PCNX2: variants seen among roughly 807,000 people sequenced by gnomAD.
PCNX2 encodes the protein pecanex-like protein 2.
A neutral mutation model predicts 223.8 loss-of-function variants in PCNX2; 168 were observed. The observed-to-expected ratio is 0.75, with a 90% CI of 0.66 to 0.85. PCNX2 has a LOEUF of 0.85. Ranked by LOEUF, PCNX2 falls within the 40% of genes least tolerant of loss-of-function variation. The probability of loss-of-function intolerance (pLI) is 0.00; values close to 1 mark genes in which losing one functional copy is unlikely to be tolerated. For missense variants in PCNX2, 2,507 were observed against 2,675.5 expected, an observed-to-expected ratio of 0.94 and a Z score of 1.39; for synonymous variants, 1,006 against 1,052.6, an observed-to-expected ratio of 0.96 and a Z score of 0.86.
At chr1:233,313,376 G>A in the PCNX2 span, among the ~76,000 whole-genome samples, 5 of 152,188 alleles carry the variant, frequency 3.3e-5, no homozygotes, top group Non-Finnish European at 5.9e-5. Flanking sequence ...TGGCATGGGG[G>A]GATAGGTAGA....
chr1:233,325,034 T>C, the PCNX2 span, among the ~76,000 whole-genome samples: 1 of 152,226 alleles, frequency 6.6e-6, no homozygotes, highest in African/African-American at 2.4e-5. Context: ...GTTGTTTCCA[T>C]GCCTGCTAAC....
At chr1:233,281,317 T>C (rs1324874147) in intron 1 of PCNX2, among the ~76,000 whole-genome samples, 1 of 152,220 alleles carries the variant, frequency 6.6e-6, no homozygotes, top group East Asian at 1.9e-4. Flanking sequence ...GATAGGGAAC[T>C]ATATCCCAAT....
At chr1:233,033,747 C>G (rs926253349) in intron 25 of PCNX2, among the ~76,000 whole-genome samples, 1 of 152,204 alleles carries the variant, frequency 6.6e-6, no homozygotes. Context: ...ACATATGGGG[C>G]TCTCCAGAGG....
chr1:233,222,612 A>T (rs1657449928), intron 10 of PCNX2, among the ~76,000 whole-genome samples: 1 of 152,212 alleles, frequency 6.6e-6, no homozygotes, highest in African/African-American at 2.4e-5. Flanking sequence ...TAACCAGATG[A>T]GAGATGAAAT....
chr1:233,047,275 A>G (rs140300962), intron 25 of PCNX2: 1 of 704,310 alleles, frequency 1.4e-6, no homozygotes, highest in Admixed American at 6.3e-5. Flanking sequence ...GATATAATTG[A>G]TCTAAGATGA....
At chr1:233,038,370 T>C (rs1446449495) in intron 25 of PCNX2, among the ~76,000 whole-genome samples, 1 of 152,234 alleles carries the variant, frequency 6.6e-6, no homozygotes, top group Non-Finnish European at 1.5e-5. Context: ...ATAAATATTC[T>C]AATTAAAGAA....
At chr1:233,013,156 G>A (rs1267534157) in intron 28 of PCNX2, among the ~76,000 whole-genome samples, 2 of 152,336 alleles carry the variant, frequency 1.3e-5, no homozygotes, top group East Asian at 3.9e-4. Flanking sequence ...CTCCCCAGGA[G>A]ATTGGCCTAA....
intron 13 of PCNX2, chr1:233,202,162 C>T (rs1364807356): frequency 4.3e-6 from 2 of 463,842 alleles, no homozygotes; most frequent in Admixed American, 2.4e-5. Context: ...ACCAGGACTT[C>T]AGGAAAATGA....
chr1:233,232,603 AAAAT>A lies in PCNX2; in HGVS notation c.2358+4238_2358+4241del, dbSNP rs1254759130. Among the ~76,000 whole-genome samples the A allele has an allele frequency of 3.9e-5, 6 of 152,344 alleles. No individual in the cohort carries two copies. The East Asian group carries it at 9.6e-4, about 24-fold the overall frequency. The stretch of plus-strand genomic sequence containing the variant: ...TCAAATAAATGAATATGTATGATGA[AAAAT>A]AAATGTTACGATATTATAATTGATG... On this transcript the variant is annotated intron_variant, in intron 9 of 33. Coordinates refer to ENST00000258229, the MANE Select transcript of PCNX2 (RefSeq NM_014801.4).
intron 15 of PCNX2, among the ~76,000 whole-genome samples, chr1:233,185,931 T>G (rs1680071375): frequency 6.6e-6 from 1 of 152,226 alleles, no homozygotes; most frequent in Non-Finnish European, 1.5e-5. Context: ...GTAATAAAAC[T>G]GTCTAATAGT....
chr1:233,277,121 G>C (rs914998402), intron 1 of PCNX2, among the ~76,000 whole-genome samples: 6 of 152,138 alleles, frequency 3.9e-5, no homozygotes, highest in East Asian at 3.9e-4. Context: ...GAGACACAAA[G>C]AAAGCCTGTG....
At position 233,236,951 on chromosome 1, in the gene PCNX2, G is replaced by C. The variant is rs1473238244; in HGVS notation, c.2252C>G (p.Thr751Arg). ...REMQVSSSST[T>R]TSESQDPSSG... Reference sequence around the variant, plus strand: ...AGACGGATCTTGACTCTCAGAAGTTGTGGTACTGGAGGAGCTGACCTGCAT... The same window carrying C: ...AGACGGATCTTGACTCTCAGAAGTTCTGGTACTGGAGGAGCTGACCTGCAT... Residue 751 changes from threonine to arginine, a missense_variant, in exon 9 of 34, where the codon ACA (threonine) becomes AGA (arginine). Thr to Arg is a moderately conservative substitution (Grantham distance 71). Around this residue, in one of 3 missense-constraint regions of PCNX2, gnomAD observed 1,031 missense variants for 1,021.7 expected, o/e 1.01. Transcript: ENST00000258229. The C allele has an allele frequency of 6.2e-7, 1 of 1,613,846 alleles. No homozygotes were observed. The highest frequency in any genetic ancestry group is 1.3e-5 in the African/African-American group (1 of 74,936).
intron 13 of PCNX2, among the ~76,000 whole-genome samples, chr1:233,207,502 G>T (rs547348992): frequency 5.3e-5 from 8 of 152,202 alleles, no homozygotes; most frequent in Admixed American, 5.2e-4. Flanking sequence ...AGCATATGCC[G>T]TCGGGTCAAT....
chr1:233,324,946 C>T, the PCNX2 span, among the ~76,000 whole-genome samples: 1 of 152,108 alleles, frequency 6.6e-6, no homozygotes, highest in Admixed American at 6.5e-5. Flanking sequence ...AAAAATGATT[C>T]TTTTCAAAAT....
At chr1:233,095,126 A>G (rs769938987) in intron 22 of PCNX2, among the ~76,000 whole-genome samples, 3 of 152,138 alleles carry the variant, frequency 2.0e-5, no homozygotes, top group Non-Finnish European at 4.4e-5. Flanking sequence ...CATATATAAA[A>G]CTTAGCTATC....
intron 10 of PCNX2, among the ~76,000 whole-genome samples, chr1:233,222,324 C>G (rs1657431067): frequency 6.6e-6 from 1 of 152,100 alleles, no homozygotes. Flanking sequence ...GATTTTCATT[C>G]TGAGTGAAAT....
chr1:233,217,984 C>T, intron 11 of PCNX2, 47 bp downstream of exon 11: 2 of 1,613,216 alleles, frequency 1.2e-6, no homozygotes, highest in Non-Finnish European at 1.7e-6. Context: ...TTCAAGGCTA[C>T]ATTAGTGACA....
intron 13 of PCNX2, chr1:233,202,315 C>T (rs1681168016): frequency 2.7e-6 from 1 of 368,012 alleles, no homozygotes; most frequent in Non-Finnish European, 5.6e-6. Context: ...TCACTTCTTC[C>T]TAACTTCTTA....
chr1:233,288,698 G>A (rs550990711), intron 1 of PCNX2, among the ~76,000 whole-genome samples: 5 of 152,078 alleles, frequency 3.3e-5, no homozygotes, highest in East Asian at 1.9e-4. Flanking sequence ...AGAGCCATCC[G>A]GAGAAGCAAA....
Sources: allele counts gnomAD v4.1 joint callset (sites outside exome capture counted in the v4.1 genomes callset), GRCh38; gene constraint gnomAD v4.1.1; regional missense constraint gnomAD v4.1.1; transcripts MANE v1.5; gene names NCBI Gene and HGNC (gene_info 2026-07-23, HGNC 2026-07-21).